Variants in CCR3 observed in about 807,000 individuals in gnomAD.
CCR3 encodes the protein C-C motif chemokine receptor 3.
For missense variants in CCR3, 419 were observed against 437.5 expected, an observed-to-expected ratio of 0.96 and a Z score of 0.38; for synonymous variants, 203 against 179.2, an observed-to-expected ratio of 1.13 and a Z score of -1.06.
intron 1 of CCR3, among the ~76,000 whole-genome samples, chr3:46,244,768 A>G (rs531080860): frequency 2.0e-5 from 3 of 152,286 alleles, no homozygotes; most frequent in African/African-American, 7.2e-5. Flanking sequence ...CTGGGCATAT[A>G]TGTGCAAGTC....
At chr3:46,259,350 T>C (rs1232311165) in intron 1 of CCR3, among the ~76,000 whole-genome samples, 1 of 152,170 alleles carries the variant, frequency 6.6e-6, no homozygotes. Flanking sequence ...AAAATGCCCC[T>C]GAGAATTTAC....
chr3:46,218,345 A>G (rs925635291), intron 2 of CCR3, among the ~76,000 whole-genome samples: 3 of 152,068 alleles, frequency 2.0e-5, no homozygotes, highest in Admixed American at 1.3e-4. Flanking sequence ...CCAACAAAAA[A>G]AAAAAGTCTA....
intron 2 of CCR3, among the ~76,000 whole-genome samples, chr3:46,221,358 C>T (rs1184599984): frequency 6.6e-6 from 1 of 152,244 alleles, no homozygotes; most frequent in Non-Finnish European, 1.5e-5. Context: ...AATACTGTAT[C>T]TGAGTTTATA....
Position 46,265,571 on chromosome 3 carries a change from C to T in CCR3, c.413C>T (p.Ala138Val). The T allele has an allele frequency of 6.2e-7, 1 of 1,614,128 alleles. No homozygotes were observed. The highest frequency in any genetic ancestry group is 8.5e-7 in the Non-Finnish European group (1 of 1,180,012). The part of the protein sequence containing the change: ...TIDRYLAIVH[A>V]VFALRARTVT... ...GACAGGTACCTGGCCATTGTCCATG[C>T]TGTGTTTGCCCTTCGAGCCCGGACT... Residue 138 changes from alanine (A) to valine (V), a missense_variant, in exon 2 of 2, where the codon GCT (alanine) becomes GTT (valine). Transcript: ENST00000395940.
chr3:46,226,512 T>C (rs1309642794), intron 2 of CCR3, among the ~76,000 whole-genome samples: 1 of 152,198 alleles, frequency 6.6e-6, no homozygotes, highest in Non-Finnish European at 1.5e-5. Context: ...ATAAATGTGA[T>C]TGACTTTTGT....
intron 1 of CCR3, among the ~76,000 whole-genome samples, chr3:46,252,574 A>G (rs1005832003): frequency 6.6e-6 from 1 of 152,174 alleles, no homozygotes; most frequent in Non-Finnish European, 1.5e-5. Flanking sequence ...ACTTTTCTGG[A>G]TACTCCAGGT....
At chr3:46,248,692 A>C (rs762259908) in intron 1 of CCR3, among the ~76,000 whole-genome samples, 26 of 152,292 alleles carry the variant, frequency 1.7e-4, no homozygotes, top group Non-Finnish European at 2.9e-4. Flanking sequence ...AGTACAGCCC[A>C]GGTAATTTGC....
At position 46,266,652 on chromosome 3, in the gene CCR3, C is replaced by T. The variant is rs1700641068; in HGVS notation, c.*426C>T. 5.8e-6 allele frequency: 1 copy of T among 171,830 alleles called. No homozygotes were observed. The highest frequency in any genetic ancestry group is 2.4e-5 in the African/African-American group (1 of 41,620). 10.6% of individuals were successfully genotyped at this position (171,830 alleles called of 1,614,324 possible). ...TATTTTCTAATGTGCCTAGTTCTTT[C>T]CCTGCTTAATGAAAAGCTTGTTTTT... On this transcript the variant is annotated 3_prime_UTR_variant, in exon 2 of 2. Transcript: ENST00000395940.
At chr3:46,213,752 A>G (rs1699742505) in intron 2 of CCR3, among the ~76,000 whole-genome samples, 1 of 152,040 alleles carries the variant, frequency 6.6e-6, no homozygotes, top group South Asian at 2.1e-4. Flanking sequence ...CACCTCCTAC[A>G]TTTACTACTC....
chr3:46,260,259 C>T (rs147125627), intron 1 of CCR3, among the ~76,000 whole-genome samples: 3,366 of 152,214 alleles, frequency 0.022, 114 homozygotes, highest in African/African-American at 0.07. Flanking sequence ...CATTCTACCC[C>T]GGCCCCTCCC....
rs569497375 is a variant in CCR3 at position 46,245,914 on chromosome 3, G to A, written c.-12+3376G>A. On this transcript the variant is annotated intron_variant, in intron 1 of 1. Coordinates refer to ENST00000395940, the MANE Select transcript of CCR3 (RefSeq NM_178329.3). The stretch of plus-strand genomic sequence containing the variant: ...TTTATGGCTGCATAGTATTCCATGT[G>A]TATATGTACCACATTTTCTTTATCC... 1.1e-4 allele frequency among the ~76,000 whole-genome samples: 16 copies of A among 152,250 alleles called. No homozygotes were observed. The East Asian group carries it at 3.1e-3, about 29-fold the overall frequency.
At chr3:46,221,452 A>G (rs1347175817) in intron 2 of CCR3, among the ~76,000 whole-genome samples, 1 of 152,232 alleles carries the variant, frequency 6.6e-6, no homozygotes, top group East Asian at 1.9e-4. Flanking sequence ...CCCTAGTTGT[A>G]GGGGTATTCC....
intron 2 of CCR3, among the ~76,000 whole-genome samples, chr3:46,225,072 T>C (rs908186447): frequency 6.6e-5 from 10 of 152,182 alleles, no homozygotes; most frequent in East Asian, 3.8e-4. Flanking sequence ...AAATTAGTCA[T>C]ATGAGAGAAT....
intron 1 of CCR3, among the ~76,000 whole-genome samples, chr3:46,253,035 C>A (rs560707192): frequency 1.3e-5 from 2 of 152,118 alleles, no homozygotes; most frequent in Non-Finnish European, 2.9e-5. Flanking sequence ...GAGAGCCAGA[C>A]CCCATCTCCA....
intron 1 of CCR3, among the ~76,000 whole-genome samples, chr3:46,253,397 T>C (rs1700356281): frequency 6.6e-6 from 1 of 152,152 alleles, no homozygotes; most frequent in Non-Finnish European, 1.5e-5. Flanking sequence ...GCCAGTATCA[T>C]ACTCTCTCCC....
chr3:46,237,387 G>A (rs1700036187), intron 2 of CCR3, among the ~76,000 whole-genome samples: 1 of 152,152 alleles, frequency 6.6e-6, no homozygotes, highest in Non-Finnish European at 1.5e-5. Context: ...TCTACAGATT[G>A]TCTCTTCACT....
chr3:46,215,787 G>C (rs1699767624), intron 2 of CCR3, among the ~76,000 whole-genome samples: 1 of 152,202 alleles, frequency 6.6e-6, no homozygotes, highest in South Asian at 2.1e-4. Flanking sequence ...AATGAATGGT[G>C]CCACAGAGCA....
At chr3:46,259,818 C>T (rs1231130968) in intron 1 of CCR3, among the ~76,000 whole-genome samples, 1 of 152,110 alleles carries the variant, frequency 6.6e-6, no homozygotes, top group Non-Finnish European at 1.5e-5. Context: ...CACTGTGAAA[C>T]AATACTTAGG....
intron 2 of CCR3, among the ~76,000 whole-genome samples, chr3:46,215,450 A>G (rs1699762958): frequency 6.6e-6 from 1 of 152,152 alleles, no homozygotes; most frequent in African/African-American, 2.4e-5. Flanking sequence ...TATTTATGCT[A>G]GAGTTTGAGA....
Sources: allele counts gnomAD v4.1 joint callset (sites outside exome capture counted in the v4.1 genomes callset), GRCh38; gene constraint gnomAD v4.1.1; transcripts MANE v1.5; gene names NCBI Gene and HGNC (gene_info 2026-07-23, HGNC 2026-07-21).